Variants in TIAM2 observed in about 807,000 individuals in gnomAD.
The protein encoded by TIAM2 is TIAM Rac1 associated GEF 2, also known as rho guanine nucleotide exchange factor TIAM2.
TIAM2 carries 80 observed loss-of-function variants against 152.9 expected under a neutral mutation model. The observed-to-expected ratio is 0.52, with a 90% CI of 0.44 to 0.63. TIAM2 has a LOEUF of 0.63. Among genes scored for constraint, TIAM2 ranks in the 30% least tolerant of loss-of-function variants. TIAM2 has a pLI of 0.00. For synonymous variants in TIAM2, 804 were observed against 838.0 expected (o/e 0.96, Z 0.70); for missense variants, 1,965 against 2,120.1 (o/e 0.93, Z 1.44).
At chr6:155,038,383 G>T (rs1348861399) in intron 1 of TIAM2, among the ~76,000 whole-genome samples, 1 of 152,190 alleles carries the variant, frequency 6.6e-6, no homozygotes, top group African/African-American at 2.4e-5. Context: ...CATTTCAGTA[G>T]ATGGTAAGAA....
chr6:155,012,624 C>T (rs1778508343), intron 1 of TIAM2, among the ~76,000 whole-genome samples: 1 of 152,154 alleles, frequency 6.6e-6, no homozygotes, highest in Non-Finnish European at 1.5e-5. Flanking sequence ...GATCTTGGCT[C>T]ACTGCACCCT....
chr6:155,124,407 C>T (rs60955209), intron 2 of TIAM2, among the ~76,000 whole-genome samples: 4,165 of 152,084 alleles, frequency 0.027, 195 homozygotes, highest in African/African-American at 0.094. Context: ...CTCGGCTCAC[C>T]GCAACCTCTG....
chr6:155,057,554 T>G (rs1407553287), intron 1 of TIAM2, among the ~76,000 whole-genome samples: 2 of 143,258 alleles, frequency 1.4e-5, no homozygotes, highest in Non-Finnish European at 3.0e-5. Flanking sequence ...TTTTTTTTTT[T>G]TTTTTTTTTT....
intron 9 of TIAM2, 64 bp downstream of exon 9, chr6:155,165,473 C>T: frequency 6.4e-7 from 1 of 1,556,116 alleles, no homozygotes; most frequent in Non-Finnish European, 8.7e-7. Flanking sequence ...AATTTTCGGC[C>T]TGCTATGAAT....
chr6:155,086,665 C>T (rs2114973929), intron 1 of TIAM2, among the ~76,000 whole-genome samples: 1 of 147,168 alleles, frequency 6.8e-6, no homozygotes, highest in Non-Finnish European at 1.5e-5. Flanking sequence ...TGAGATCGCG[C>T]CACTGTACTC....
At chr6:155,217,104 G>A in intron 15 of TIAM2, 1 of 1,289,422 alleles carries the variant, frequency 7.8e-7, no homozygotes. Context: ...AGTAAACAAG[G>A]GCTTTGATTT....
intron 7 of TIAM2, among the ~76,000 whole-genome samples, chr6:155,155,694 C>T (rs895891486): frequency 1.3e-5 from 2 of 152,178 alleles, no homozygotes; most frequent in Non-Finnish European, 2.9e-5. Flanking sequence ...AGGCTGGTCT[C>T]GAACTCCTGA....
chr6:155,033,724 T>C (rs1410896708), intron 1 of TIAM2, among the ~76,000 whole-genome samples: 8 of 151,532 alleles, frequency 5.3e-5, no homozygotes, highest in South Asian at 2.1e-4. Flanking sequence ...TTCTTTCTTT[T>C]TTTGTTTTTT....
chr6:155,145,164 T>G (rs1779793372), intron 6 of TIAM2, among the ~76,000 whole-genome samples: 2 of 152,154 alleles, frequency 1.3e-5, no homozygotes, highest in South Asian at 4.1e-4. Flanking sequence ...GCTTGGGTTC[T>G]TGCCACGGAT....
intron 8 of TIAM2, among the ~76,000 whole-genome samples, chr6:155,164,982 A>G (rs3818782): frequency 6.6e-6 from 1 of 151,920 alleles, no homozygotes; most frequent in African/African-American, 2.4e-5. Flanking sequence ...TTGAAGTCGT[A>G]CCCATTTTGG....
chr6:155,018,417 T>C (rs1193440772), intron 1 of TIAM2, among the ~76,000 whole-genome samples: 1 of 151,662 alleles, frequency 6.6e-6, no homozygotes, highest in Non-Finnish European at 1.5e-5. Flanking sequence ...GTCAGGAGTT[T>C]GAGACCAGCC....
intron 14 of TIAM2, among the ~76,000 whole-genome samples, chr6:155,193,718 G>A (rs763849874): frequency 6.6e-6 from 1 of 152,132 alleles, no homozygotes; most frequent in Non-Finnish European, 1.5e-5. Context: ...CATGTTCCAA[G>A]GGTGGAGGTT....
rs754939611 is a variant in TIAM2, at chr6:155,130,152, G to C, written c.929G>C (p.Ser310Thr). The change falls in exon 4 of 27, where the codon AGC becomes ACC. Residue 310 changes from serine to threonine, a missense_variant. By Grantham distance (58) the Ser-to-Thr change is moderately conservative. Coordinates refer to ENST00000682666, the MANE Select transcript of TIAM2 (RefSeq NM_012454.4). The stretch of plus-strand genomic sequence containing the variant: ...CTGTACAAAGATGCCAACCTGGGGA[G>C]CCTCTCCCCCTCAGGTATCCGCCTT... Reference protein sequence around the residue: ...RELYKDANLGSLSPSGIRLSD... With the variant: ...RELYKDANLGTLSPSGIRLSD... The C allele has an allele frequency of 1.9e-6, 3 of 1,614,188 alleles. No homozygotes were observed. Among genetic ancestry groups the C allele is most frequent in the Non-Finnish European group, 2.5e-6 (3 of 1,180,028 alleles).
intron 5 of TIAM2, among the ~76,000 whole-genome samples, chr6:155,142,044 G>A (rs986127942): frequency 2.6e-5 from 4 of 151,890 alleles, no homozygotes; most frequent in Non-Finnish European, 4.4e-5. Context: ...CCCCAGCACC[G>A]GGGTGAACGG....
chr6:155,025,821 AACACACACACACAC>A (rs58173623), intron 1 of TIAM2, among the ~76,000 whole-genome samples: 2,794 of 131,852 alleles, frequency 0.021, 87 homozygotes, highest in African/African-American at 0.068. Flanking sequence ...CTCCCCCTCA[AACACACACACACAC>A]ACACACACAC....
chr6:155,189,238 G>A (rs537643485), intron 14 of TIAM2, among the ~76,000 whole-genome samples: 104 of 152,300 alleles, frequency 6.8e-4, no homozygotes, highest in African/African-American at 2.4e-3. Context: ...ACAGCATTTA[G>A]CTCAGAGAAT....
intron 1 of TIAM2, among the ~76,000 whole-genome samples, chr6:155,030,567 G>T (rs1776804046): frequency 6.6e-6 from 1 of 152,094 alleles, no homozygotes; most frequent in Non-Finnish European, 1.5e-5. Context: ...CTGCTCAAGG[G>T]GTGTCTGCTC....
intron 1 of TIAM2, among the ~76,000 whole-genome samples, chr6:155,045,085 C>T (rs1230198778): frequency 7.2e-6 from 1 of 137,992 alleles, no homozygotes; most frequent in African/African-American, 2.7e-5. Flanking sequence ...GAGTCTAGCA[C>T]TGTTGCCTGG....
In TIAM2 at chr6:155,244,655, T is replaced by A; in HGVS notation, c.3418-3T>A. The A allele has an allele frequency of 6.2e-7, 1 of 1,613,968 alleles. No homozygotes were observed. Among genetic ancestry groups the A allele is most frequent in the Non-Finnish European group, 8.5e-7 (1 of 1,179,892 alleles). ...CTCATTTCAAATCCTGATCTTCACATAGATGGAGTCACTTTTTGGAAGTTT... is the reference window on the plus strand; with the variant it reads ...CTCATTTCAAATCCTGATCTTCACAAAGATGGAGTCACTTTTTGGAAGTTT... On this transcript the variant is annotated splice_polypyrimidine_tract_variant and splice_region_variant and intron_variant, in intron 17 of 26. Transcript: ENST00000682666.
Sources: gnomAD v4.1 joint callset for allele counts (sites outside exome capture counted in the v4.1 genomes callset) on GRCh38, gnomAD v4.1.1 for gene constraint, MANE v1.5 for transcripts, NCBI Gene and HGNC (gene_info 2026-07-23, HGNC 2026-07-21) for gene names.